TEP1: variants seen among roughly 807,000 people sequenced by gnomAD.
TEP1 encodes telomerase protein component 1.
TEP1 carries 241 observed loss-of-function variants against 306.3 expected under a neutral mutation model. The ratio of observed to expected loss-of-function variants is 0.79; its 90% CI spans 0.71 to 0.88. The LOEUF (loss-of-function observed/expected upper bound fraction) is 0.88, where lower values mean the gene tolerates loss of function less well. Among genes scored for constraint, TEP1 ranks in the 40% least tolerant of loss-of-function variants. TEP1 has a pLI of 0.00. For synonymous variants in TEP1, 1,289 were observed against 1,305.5 expected (o/e 0.99, Z 0.27); for missense variants, 3,051 against 3,276.1 (o/e 0.93, Z 1.68).
At chr14:20,382,115 C>T in intron 29 of TEP1, 52 bp from the exon 30 acceptor site, 1 of 1,610,796 alleles carries the variant, frequency 6.2e-7, no homozygotes, top group East Asian at 2.2e-5. Flanking sequence ...GTGTCCCCGC[C>T]CCCACCACAC....
At chr14:20,402,511 T>C (rs1466377448) in intron 7 of TEP1, among the ~76,000 whole-genome samples, 1 of 152,244 alleles carries the variant, frequency 6.6e-6, no homozygotes, top group Non-Finnish European at 1.5e-5. Context: ...CTAACACTTA[T>C]TTACTTCCAG....
rs1713448 is a variant in TEP1 at position 20,373,154 on chromosome 14, G to A, written c.6815-7C>T. ...CTTGGTATACATGTGTCATCTGGAG[G>A]AGAAAGGACGTGTTTCATTAGGAGC... On this transcript the variant is annotated splice_region_variant and splice_polypyrimidine_tract_variant and intron_variant, in intron 47 of 54. Coordinates refer to ENST00000262715, the MANE Select transcript of TEP1 (RefSeq NM_007110.5). The A allele has an allele frequency of 0.24, 387,156 of 1,613,794 alleles. 52,755 individuals are homozygous for A. The highest frequency in any genetic ancestry group is 0.58 in the African/African-American group (43,814 of 74,902).
intron 9 of TEP1, among the ~76,000 whole-genome samples, chr14:20,398,373 G>A (rs549921997): frequency 0.014 from 1,573 of 112,978 alleles, 6 homozygotes; most frequent in South Asian, 0.031. Context: ...GTGAGACTCC[G>A]CCCAAAAAAA....
chr14:20,395,277 G>A (rs547395151), intron 12 of TEP1, among the ~76,000 whole-genome samples, 173 bp downstream of exon 12: 4 of 152,268 alleles, frequency 2.6e-5, no homozygotes, highest in Non-Finnish European at 5.9e-5. Flanking sequence ...TCTCTCTTTA[G>A]GACAATGTTA....
chr14:20,377,255 A>T, intron 41 of TEP1, 25 bp downstream of exon 41: 2 of 1,539,404 alleles, frequency 1.3e-6, no homozygotes, highest in Non-Finnish European at 1.8e-6. Context: ...GTAATTTGTT[A>T]ACCCTGCCCA....
At chr14:20,382,125 C>A (rs938852655) in intron 29 of TEP1, 62 bp from the exon 30 acceptor site, 5 of 1,610,556 alleles carry the variant, frequency 3.1e-6, no homozygotes, top group African/African-American at 1.3e-5. Flanking sequence ...CCCCACCACA[C>A]CCAGTCTCTC....
At chr14:20,390,621 A>T in intron 15 of TEP1, 60 bp downstream of exon 15, 1 of 1,512,566 alleles carries the variant, frequency 6.6e-7, no homozygotes. Context: ...GAAATGAAAT[A>T]TATCAGTTGC....
chr14:20,401,015 C>G lies in TEP1; in HGVS notation c.1518G>C (p.Gly506=). 6.2e-7 allele frequency: 1 copy of G among 1,614,156 alleles called. No individual in the cohort carries two copies. The highest frequency in any genetic ancestry group is 8.5e-7 in the Non-Finnish European group (1 of 1,180,024). The change falls in exon 9 of 55, where the codon GGG becomes GGC. Residue 506 remains glycine (G), a synonymous_variant. Transcript: ENST00000262715. The part of the protein sequence containing the change: ...ETWERELSLR[G]NKASVWEELI... ...GTTCCTCCCAGACCGACGCTTTGTT[C>G]CCCCGTAGGCTCAGCTCCCGCTCCC...
At chr14:20,387,120 G>A (rs186671881) in intron 18 of TEP1, among the ~76,000 whole-genome samples, 27 of 151,336 alleles carry the variant, frequency 1.8e-4, no homozygotes, top group African/African-American at 6.5e-4. Context: ...TTTTAGTAGA[G>A]ACAGGGTTTA....
In TEP1 at chr14:20,383,474, C is replaced by T. The variant is rs1321047181; in HGVS notation, c.3867+14G>A. ...CAGCCTGCCTCCCGACACCCACCTC[C>T]TTCTCACACTCACCCGGGGAAGCTT... On this transcript the variant is annotated intron_variant, in intron 26 of 54. Coordinates refer to ENST00000262715, the MANE Select transcript of TEP1 (RefSeq NM_007110.5). 6.2e-7 allele frequency: 1 copy of T among 1,614,140 alleles called. No homozygotes were observed. The highest frequency in any genetic ancestry group is 8.5e-7 in the Non-Finnish European group (1 of 1,179,952).
chr14:20,383,153 G>A (rs1384953942), intron 27 of TEP1, 21 bp downstream of exon 27: 10 of 1,561,898 alleles, frequency 6.4e-6, no homozygotes, highest in East Asian at 4.5e-5. Flanking sequence ...CACACCCACC[G>A]GCCCCGGCCT....
chr14:20,384,875 T>A (rs1876987229), intron 21 of TEP1, 110 bp downstream of exon 21: 1 of 1,551,038 alleles, frequency 6.4e-7, no homozygotes. Context: ...TGCTGAGTCC[T>A]GTTTCTGCCT....
intron 46 of TEP1, 35 bp from the exon 47 acceptor site, chr14:20,373,437 T>C (rs369795127): frequency 1.2e-6 from 2 of 1,613,302 alleles, no homozygotes; most frequent in Non-Finnish European, 1.7e-6. Context: ...CTCATGAGAG[T>C]GGGCACAACA....
intron 18 of TEP1, among the ~76,000 whole-genome samples, chr14:20,387,135 T>C (rs113549012): frequency 6.6e-6 from 1 of 150,962 alleles, no homozygotes; most frequent in African/African-American, 2.4e-5. Context: ...GGTTTAGTCA[T>C]GTTGGACAGG....
intron 7 of TEP1, 22 bp from the exon 8 acceptor site, chr14:20,401,603 C>G: frequency 6.2e-7 from 1 of 1,612,920 alleles, no homozygotes; most frequent in Non-Finnish European, 8.5e-7. Flanking sequence ...TCCCCAAGTC[C>G]CACAGGGGTC....
In TEP1 at chr14:20,367,149, A is replaced by C. The variant is rs1201194353; in HGVS notation, c.*1288T>G. ...GAGGCTGAGGTGTGCAGATAACCTGAGGTCAGGAGTTTGAGACCCACCTGG... is the reference window on the plus strand; with the variant it reads ...GAGGCTGAGGTGTGCAGATAACCTGCGGTCAGGAGTTTGAGACCCACCTGG... On this transcript the variant is annotated 3_prime_UTR_variant, in exon 55 of 55. Coordinates refer to ENST00000262715, the MANE Select transcript of TEP1 (RefSeq NM_007110.5). 1.3e-5 allele frequency: 2 copies of C among 152,206 alleles called. No individual in the cohort carries two copies. Among genetic ancestry groups the C allele is most frequent in the East Asian group, 3.9e-4 (2 of 5,192 alleles). The allele number at this position is 152,206 out of a possible 1,614,324, so 9.4% of individuals were successfully genotyped here.
chr14:20,401,280 T>C (rs1878714048), intron 8 of TEP1, 139 bp from the exon 9 acceptor site: 13 of 1,369,344 alleles, frequency 9.5e-6, no homozygotes, highest in African/African-American at 7.3e-5. Flanking sequence ...AGGTGAGTCA[T>C]GTTTACAGGT....
chr14:20,393,785 T>TA lies in TEP1; in HGVS notation c.1928+1664dup, dbSNP rs1232234876. Among the ~76,000 whole-genome samples the TA allele has an allele frequency of 2.8e-3, 384 of 137,346 alleles. 2 individuals are homozygous for TA. Among genetic ancestry groups the TA allele is most frequent in the Middle Eastern group, 4.0e-3 (1 of 250 alleles). The allele number at this position is 137,346 out of a possible 152,430, so 90.1% of individuals were successfully genotyped here. On this transcript the variant is annotated intron_variant, in intron 12 of 54. Coordinates refer to ENST00000262715, the MANE Select transcript of TEP1 (RefSeq NM_007110.5). ...TGACGAAGTGGGACTTTGTCTCAAT[T>TA]AAAAAAAAAAAAAGAGCCAGGGTGC...
rs749767632 is a variant in TEP1 at position 20,383,868 on chromosome 14, T to C, written c.3585A>G (p.Ser1195=). The C allele has an allele frequency of 2.6e-5, 41 of 1,603,534 alleles. No individual in the cohort carries two copies. Among genetic ancestry groups the C allele is most frequent in the Non-Finnish European group, 3.4e-5 (40 of 1,179,250 alleles). Residue 1195 remains serine, a synonymous_variant, in exon 25 of 55, where the codon TCA becomes TCG. Transcript: ENST00000262715. ...CCCCAGAAAAGTGGAAGAAGACTAA[T>C]GATGCCACCTTGGCCCCATCAGGAG... ...LQAPDGAKVA[S]LVFFHFSGAR...
Sources: gnomAD v4.1 joint callset for allele counts (sites outside exome capture counted in the v4.1 genomes callset) on GRCh38, gnomAD v4.1.1 for gene constraint, MANE v1.5 for transcripts, NCBI Gene and HGNC (gene_info 2026-07-23, HGNC 2026-07-21) for gene names.